The following CNTN4 variants were observed in gnomAD, a reference collection of about 807,000 sequenced individuals.
The protein encoded by CNTN4 is contactin-4.
In CNTN4, 77 loss-of-function variants were observed where a neutral mutation model predicts 122.5. That is an observed-to-expected ratio of 0.63 (90% CI 0.52 to 0.76). The LOEUF is 0.76. CNTN4 is among the 30% of genes least tolerant of loss of function. CNTN4 has a pLI of 0.00. For synonymous variants in CNTN4, 512 were observed against 447.0 expected (o/e 1.15, Z -1.83); for missense variants, 1,256 against 1,259.1 (o/e 1.00, Z 0.04).
intron 3 of CNTN4, among the ~76,000 whole-genome samples, chr3:2,424,250 G>A (rs67665303): frequency 0.36 from 39,854 of 111,328 alleles, 6,432 homozygotes; most frequent in Admixed American, 0.45. Flanking sequence ...GGTGTGTGAT[G>A]TTCCTTTTCC....
At chr3:2,971,370 A>C (rs866603484) in intron 13 of CNTN4, among the ~76,000 whole-genome samples, 3 of 150,634 alleles carry the variant, frequency 2.0e-5, no homozygotes, top group Non-Finnish European at 3.0e-5. Context: ...CTATCTATCT[A>C]TATATATATA....
intron 5 of CNTN4, among the ~76,000 whole-genome samples, chr3:2,738,027 G>GA (rs2089240960): frequency 6.6e-6 from 1 of 152,202 alleles, no homozygotes; most frequent in South Asian, 2.1e-4. Flanking sequence ...AAGAAAGAGA[G>GA]AAAAAATGTC....
intron 6 of CNTN4, among the ~76,000 whole-genome samples, chr3:2,754,096 T>C (rs2090221866): frequency 6.6e-6 from 1 of 152,232 alleles, no homozygotes; most frequent in African/African-American, 2.4e-5. Context: ...ATAAGCTTCT[T>C]ACTCCCATAT....
intron 13 of CNTN4, among the ~76,000 whole-genome samples, chr3:2,981,368 C>T (rs561123970): frequency 8.6e-5 from 13 of 151,816 alleles, no homozygotes; most frequent in East Asian, 2.0e-4. Context: ...GGCGTGAACC[C>T]AGGAGTTGGA....
At chr3:2,682,415 T>C (rs2085211483) in intron 4 of CNTN4, among the ~76,000 whole-genome samples, 1 of 152,170 alleles carries the variant, frequency 6.6e-6, no homozygotes, top group Non-Finnish European at 1.5e-5. Context: ...AGTCATGTGA[T>C]GAAAATAATT....
chr3:3,022,511 T>C (rs921656353), intron 14 of CNTN4, among the ~76,000 whole-genome samples: 1 of 152,208 alleles, frequency 6.6e-6, no homozygotes, highest in South Asian at 2.1e-4. Flanking sequence ...TCAGAAAGTC[T>C]TTCCACCAGC....
At chr3:2,566,410 A>C (rs1380032386) in intron 3 of CNTN4, among the ~76,000 whole-genome samples, 1 of 152,242 alleles carries the variant, frequency 6.6e-6, no homozygotes, top group Non-Finnish European at 1.5e-5. Flanking sequence ...GCCATGTTAT[A>C]AGGATTAAAT....
chr3:2,920,310 G>A (rs6776098), intron 12 of CNTN4, among the ~76,000 whole-genome samples: 16,391 of 70,770 alleles, frequency 0.23, 2,740 homozygotes, highest in East Asian at 0.37. Flanking sequence ...GGAGGTAGAA[G>A]GAGGCTGGAT....
At chr3:3,031,391 A>G (rs1270203187) in intron 16 of CNTN4, among the ~76,000 whole-genome samples, 1 of 152,182 alleles carries the variant, frequency 6.6e-6, no homozygotes, top group Admixed American at 6.5e-5. Context: ...TAAAGTCATC[A>G]TCAGGTTTAT....
At chr3:2,456,420 C>T (rs191342764) in intron 3 of CNTN4, among the ~76,000 whole-genome samples, 52 of 152,156 alleles carry the variant, frequency 3.4e-4, no homozygotes, top group Admixed American at 3.3e-3. Context: ...GCATTTAGTA[C>T]GCTTACACCG....
chr3:2,529,542 T>C (rs542911631), intron 3 of CNTN4, among the ~76,000 whole-genome samples: 2 of 152,324 alleles, frequency 1.3e-5, no homozygotes, highest in African/African-American at 4.8e-5. Context: ...ATATGTATTA[T>C]GATTTGTAAT....
At chr3:3,006,733 C>A (rs1246528771) in intron 14 of CNTN4, among the ~76,000 whole-genome samples, 2 of 152,138 alleles carry the variant, frequency 1.3e-5, no homozygotes, top group African/African-American at 2.4e-5. Context: ...GGCCCGATTT[C>A]ATATACTAAC....
intron 2 of CNTN4, among the ~76,000 whole-genome samples, chr3:2,194,408 C>G (rs1171340143): frequency 6.6e-6 from 1 of 152,092 alleles, no homozygotes; most frequent in East Asian, 1.9e-4. Context: ...CTGGAGGAAA[C>G]CATGATCGCG....
At chr3:2,945,013 A>G (rs558222542) in intron 13 of CNTN4, among the ~76,000 whole-genome samples, 1 of 152,166 alleles carries the variant, frequency 6.6e-6, no homozygotes, top group Non-Finnish European at 1.5e-5. Flanking sequence ...GCCTCAGATC[A>G]TCACCTATAA....
chr3:2,943,913 C>T (rs1577354521), intron 13 of CNTN4, among the ~76,000 whole-genome samples: 2 of 152,026 alleles, frequency 1.3e-5, no homozygotes, highest in East Asian at 3.9e-4. Context: ...AGTTCCCTAG[C>T]AATTGATTTG....
chr3:2,756,037 C>T (rs918231410), intron 6 of CNTN4, among the ~76,000 whole-genome samples: 6 of 152,080 alleles, frequency 3.9e-5, no homozygotes, highest in African/African-American at 1.4e-4. Context: ...AAAAGGGAGA[C>T]CACTTTCTGA....
At chr3:2,844,217 A>G (rs758445106) in intron 7 of CNTN4, among the ~76,000 whole-genome samples, 1 of 152,120 alleles carries the variant, frequency 6.6e-6, no homozygotes, top group Non-Finnish European at 1.5e-5. Flanking sequence ...AATAGTACTC[A>G]CCATCCTTCT....
chr3:2,792,821 T>C (rs1258979129), intron 6 of CNTN4, among the ~76,000 whole-genome samples: 1 of 152,178 alleles, frequency 6.6e-6, no homozygotes, highest in Non-Finnish European at 1.5e-5. Flanking sequence ...TAATAATAAA[T>C]CCCTCAAATT....
intron 13 of CNTN4, among the ~76,000 whole-genome samples, chr3:2,931,974 C>T (rs528812507): frequency 6.6e-6 from 1 of 152,112 alleles, no homozygotes; most frequent in South Asian, 2.1e-4. Flanking sequence ...CATCGATCTT[C>T]TCCACCCTCC....
Sources: gnomAD v4.1 joint callset for allele counts (sites outside exome capture counted in the v4.1 genomes callset) on GRCh38, gnomAD v4.1.1 for gene constraint, MANE v1.5 for transcripts, NCBI Gene and HGNC (gene_info 2026-07-23, HGNC 2026-07-21) for gene names.